Variants in MEIKIN observed in about 807,000 individuals in gnomAD.
The protein encoded by MEIKIN is meiotic kinetochore factor, also known as meiosis-specific kinetochore protein.
chr5:131,876,011 C>T (rs1232177440), intron 9 of MEIKIN, among the ~76,000 whole-genome samples: 1 of 152,196 alleles, frequency 6.6e-6, no homozygotes, highest in Non-Finnish European at 1.5e-5. Flanking sequence ...GGATTAAAGA[C>T]TTACATGTTA....
At chr5:131,940,177 CAGAAGAGGCTTCCCAGG>C (rs1751845602) in intron 4 of MEIKIN, among the ~76,000 whole-genome samples, 1 of 152,156 alleles carries the variant, frequency 6.6e-6, no homozygotes, top group Non-Finnish European at 1.5e-5. Flanking sequence ...AAAGAGAAGT[CAGAAGAGGCTTCCCAGG>C]AGAAATAGCT....
intron 6 of MEIKIN, among the ~76,000 whole-genome samples, chr5:131,919,675 G>A (rs543429496): frequency 6.6e-6 from 1 of 152,192 alleles, no homozygotes; most frequent in South Asian, 2.1e-4. Context: ...ACAAAGAAGA[G>A]GATATAAAGA....
At chr5:131,810,682 C>G (rs1180429148) in intron 12 of MEIKIN, among the ~76,000 whole-genome samples, 1 of 152,154 alleles carries the variant, frequency 6.6e-6, no homozygotes, top group Non-Finnish European at 1.5e-5. Context: ...TCAGAAGGAC[C>G]ATGCATTGAG....
At chr5:131,843,577 T>C (rs1749956980) in intron 11 of MEIKIN, among the ~76,000 whole-genome samples, 1 of 152,210 alleles carries the variant, frequency 6.6e-6, no homozygotes, top group African/African-American at 2.4e-5. Context: ...CACAGATCTT[T>C]ACAGCAGGAG....
intron 12 of MEIKIN, among the ~76,000 whole-genome samples, chr5:131,811,615 CTT>C (rs11343792): frequency 8.1e-5 from 12 of 148,900 alleles, no homozygotes; most frequent in Non-Finnish European, 6.0e-5. Context: ...CCAACTTCTT[CTT>C]TTTTTTTTTG....
At chr5:131,864,056 A>G (rs1750336461) in intron 9 of MEIKIN, among the ~76,000 whole-genome samples, 1 of 152,156 alleles carries the variant, frequency 6.6e-6, no homozygotes, top group African/African-American at 2.4e-5. Flanking sequence ...ATTTTTCTTT[A>G]CAGATAAAGT....
At chr5:131,870,953 C>T (rs1183519342) in intron 9 of MEIKIN, among the ~76,000 whole-genome samples, 1 of 152,158 alleles carries the variant, frequency 6.6e-6, no homozygotes, top group Non-Finnish European at 1.5e-5. Flanking sequence ...GCCACAACCT[C>T]CTCAAGAAAC....
intron 11 of MEIKIN, among the ~76,000 whole-genome samples, chr5:131,820,752 G>A (rs1344634857): frequency 1.3e-5 from 2 of 152,130 alleles, no homozygotes; most frequent in African/African-American, 2.4e-5. Context: ...TAGGTTCTAT[G>A]TGTCTAGAAA....
At chr5:131,930,270 C>G (rs532384444) in intron 5 of MEIKIN, among the ~76,000 whole-genome samples, 1 of 152,272 alleles carries the variant, frequency 6.6e-6, no homozygotes, top group African/African-American at 2.4e-5. Context: ...TTGCATTTCT[C>G]TAATGAGAAG....
chr5:131,833,062 A>C (rs988666189), intron 11 of MEIKIN, among the ~76,000 whole-genome samples: 3 of 152,214 alleles, frequency 2.0e-5, no homozygotes, highest in African/African-American at 7.2e-5. Flanking sequence ...CTCCTCAGAG[A>C]ATGGGATTTT....
chr5:131,826,035 C>G (rs1335893678), intron 11 of MEIKIN, among the ~76,000 whole-genome samples: 1 of 151,504 alleles, frequency 6.6e-6, no homozygotes, highest in Non-Finnish European at 1.5e-5. Flanking sequence ...AATCTACCAC[C>G]AAAGACCTTC....
intron 8 of MEIKIN, among the ~76,000 whole-genome samples, chr5:131,907,390 G>GT (rs1013424627): frequency 5.3e-5 from 8 of 150,996 alleles, no homozygotes; most frequent in Admixed American, 5.3e-4. Flanking sequence ...TTGGTTTCTT[G>GT]TAAAAAAAAA....
intron 8 of MEIKIN, among the ~76,000 whole-genome samples, chr5:131,898,180 G>A (rs759719848): frequency 6.6e-6 from 1 of 152,182 alleles, no homozygotes; most frequent in Non-Finnish European, 1.5e-5. Flanking sequence ...CAGGTCTGCT[G>A]GAGTTTGCTG....
chr5:131,871,617 A>G (rs567229525), intron 9 of MEIKIN, among the ~76,000 whole-genome samples: 20 of 152,340 alleles, frequency 1.3e-4, no homozygotes, highest in Admixed American at 7.2e-4. Flanking sequence ...CTGCAGACTT[A>G]AATGTCCCTG....
At chr5:131,840,230 T>C (rs112049670) in intron 11 of MEIKIN, among the ~76,000 whole-genome samples, 6 of 152,372 alleles carry the variant, frequency 3.9e-5, no homozygotes, top group Middle Eastern at 3.4e-3. Flanking sequence ...GAGAGTTTCA[T>C]TGTTAGACTA....
At chr5:131,838,385 A>G (rs1749848001) in intron 11 of MEIKIN, among the ~76,000 whole-genome samples, 1 of 152,012 alleles carries the variant, frequency 6.6e-6, no homozygotes, top group African/African-American at 2.4e-5. Flanking sequence ...GTTAGAGGGG[A>G]GTCCCTCATT....
At chr5:131,845,661 C>A (rs1212418633) in intron 11 of MEIKIN, among the ~76,000 whole-genome samples, 1 of 150,436 alleles carries the variant, frequency 6.6e-6, no homozygotes, top group Non-Finnish European at 1.5e-5. Context: ...AGGAAAAATT[C>A]ACTAGAAAGA....
intron 8 of MEIKIN, among the ~76,000 whole-genome samples, chr5:131,897,619 C>T (rs184240296): frequency 2.0e-4 from 30 of 152,164 alleles, no homozygotes; most frequent in African/African-American, 6.0e-4. Flanking sequence ...CTTGTCTTCT[C>T]GCTTTATTTC....
chr5:131,872,154 CTT>C (rs1481651539), intron 9 of MEIKIN, among the ~76,000 whole-genome samples: 1 of 152,156 alleles, frequency 6.6e-6, no homozygotes, highest in Admixed American at 6.5e-5. Context: ...CGGAGAATGA[CTT>C]TGACGAGTTG....
Sources: gnomAD v4.1 joint callset for allele counts (sites outside exome capture counted in the v4.1 genomes callset) on GRCh38, gnomAD v4.1.1 for gene constraint, MANE v1.5 for transcripts, NCBI Gene and HGNC (gene_info 2026-07-23, HGNC 2026-07-21) for gene names.